KATNIP: variants seen among roughly 807,000 people sequenced by gnomAD.
KATNIP encodes katanin-interacting protein.
A neutral mutation model predicts 174.0 loss-of-function variants in KATNIP; 126 were observed. The ratio of observed to expected loss-of-function variants is 0.72; its 90% confidence interval spans 0.63 to 0.84. The LOEUF is 0.84. KATNIP is among the 40% of genes least tolerant of loss of function. KATNIP has a pLI of 0.00. For missense variants in KATNIP, 1,958 were observed against 2,109.7 expected, an observed-to-expected ratio of 0.93 and a Z score of 1.41; for synonymous variants, 810 against 835.7, an observed-to-expected ratio of 0.97 and a Z score of 0.53.
chr16:27,584,744 T>C (rs933178601), intron 2 of KATNIP, among the ~76,000 whole-genome samples: 1 of 152,002 alleles, frequency 6.6e-6, no homozygotes, highest in Non-Finnish European at 1.5e-5. Context: ...TGAGCCAAGA[T>C]TGTGCCACCA....
At chr16:27,610,395 T>A (rs916763) in intron 2 of KATNIP, among the ~76,000 whole-genome samples, 120,232 of 152,100 alleles carry the variant, frequency 0.79, 48,179 homozygotes, top group South Asian at 0.91. Context: ...GGAGAGACCT[T>A]CCTAGGGATC....
chr16:27,696,243 C>A (rs2078908099), intron 8 of KATNIP, among the ~76,000 whole-genome samples: 1 of 152,178 alleles, frequency 6.6e-6, no homozygotes. Flanking sequence ...AAATACCCAT[C>A]CTTCTTCCTA....
intron 1 of KATNIP, among the ~76,000 whole-genome samples, chr16:27,560,960 C>T (rs1238110426): frequency 6.6e-6 from 1 of 151,874 alleles, no homozygotes; most frequent in Admixed American, 6.6e-5. Context: ...GGCCTTGTAG[C>T]CAAGCTTCCA....
intron 1 of KATNIP, among the ~76,000 whole-genome samples, chr16:27,568,130 A>G (rs572904598): frequency 6.6e-6 from 1 of 152,274 alleles, no homozygotes; most frequent in South Asian, 2.1e-4. Flanking sequence ...TGCAACATAT[A>G]CTTTCTGGTC....
chr16:27,683,988 G>A (rs74366388), intron 8 of KATNIP, among the ~76,000 whole-genome samples: 3,341 of 152,258 alleles, frequency 0.022, 137 homozygotes, highest in African/African-American at 0.076. Context: ...GGAGTGGCAC[G>A]GTGGTGGTCG....
At chr16:27,556,329 T>C (rs1269082622) in intron 1 of KATNIP, among the ~76,000 whole-genome samples, 1 of 152,166 alleles carries the variant, frequency 6.6e-6, no homozygotes, top group Non-Finnish European at 1.5e-5. Flanking sequence ...ACATTGGCAG[T>C]GTGTGTTTTC....
At position 27,550,196 on chromosome 16, in the gene KATNIP, C is replaced by G. The variant is rs202151433; in HGVS notation, c.7+19C>G. ...ATGGACGGTGAGTGTCTGTGGGCCC[C>G]TCCGGGAGGTCGGGCTGTTATTCTC... On this transcript the variant is annotated intron_variant, in intron 1 of 27. Transcript: ENST00000261588. 2 of 1,607,350 alleles carry G rather than the reference C, an allele frequency of 1.2e-6. No individual in the cohort carries two copies. Among genetic ancestry groups the G allele is most frequent in the Non-Finnish European group, 1.7e-6 (2 of 1,175,152 alleles).
Position 27,728,517 on chromosome 16 carries a change from AC to A in KATNIP, c.1743+6827del, listed in dbSNP as rs542961924. ...CTGATCTCAGCTCACGGCAAACTCT[AC>A]CCCCTGGGTTCAAGCAGTTCTCCTG... On this transcript the variant is annotated intron_variant, in intron 14 of 27. Transcript: ENST00000261588. 3.9e-3 allele frequency among the ~76,000 whole-genome samples: 599 copies of A among 152,128 alleles called. 3 individuals carry two copies. Among genetic ancestry groups the A allele is most frequent in the Middle Eastern group, 0.027 (8 of 294 alleles).
intron 1 of KATNIP, among the ~76,000 whole-genome samples, chr16:27,555,243 C>G (rs553249930): frequency 2.6e-5 from 4 of 152,190 alleles, no homozygotes; most frequent in Non-Finnish European, 4.4e-5. Context: ...GCTTAAATGT[C>G]TAGCAGATGC....
intron 19 of KATNIP, among the ~76,000 whole-genome samples, chr16:27,762,873 A>AT (rs1410056883): frequency 4.6e-5 from 7 of 152,192 alleles, no homozygotes; most frequent in Admixed American, 1.3e-4. Context: ...AGTGCGGCTT[A>AT]TGGATCCTTC....
At chr16:27,758,261 G>A (rs960728289) in intron 18 of KATNIP, among the ~76,000 whole-genome samples, 1 of 152,146 alleles carries the variant, frequency 6.6e-6, no homozygotes, top group Admixed American at 6.5e-5. Flanking sequence ...TTCTGTCTCA[G>A]GAGTGGTGCC....
At chr16:27,751,620 G>T in intron 16 of KATNIP, 99 bp from the exon 17 acceptor site, 1 of 1,088,560 alleles carries the variant, frequency 9.2e-7, no homozygotes, top group Non-Finnish European at 1.4e-6. Context: ...AAGGGTGTGG[G>T]GTTGTACAGC....
intron 15 of KATNIP, among the ~76,000 whole-genome samples, chr16:27,742,593 C>T (rs541850719): frequency 2.0e-5 from 3 of 152,354 alleles, no homozygotes; most frequent in Admixed American, 2.0e-4. Flanking sequence ...CTCCAACCCA[C>T]ACCTCAGGCA....
intron 9 of KATNIP, among the ~76,000 whole-genome samples, chr16:27,699,165 G>T (rs2079014058): frequency 6.6e-6 from 1 of 152,134 alleles, no homozygotes; most frequent in African/African-American, 2.4e-5. Flanking sequence ...CCTTAAATAG[G>T]CAGGGTTGGT....
intron 6 of KATNIP, among the ~76,000 whole-genome samples, chr16:27,669,116 T>C (rs74019412): frequency 0.018 from 2,762 of 152,320 alleles, 65 homozygotes; most frequent in East Asian, 0.09. Context: ...GATGTTACAG[T>C]TACTGATACT....
At chr16:27,681,346 T>C in intron 7 of KATNIP, 53 bp from the exon 8 acceptor site, 1 of 1,606,898 alleles carries the variant, frequency 6.2e-7, no homozygotes, top group South Asian at 1.1e-5. Context: ...CTGAACAGAA[T>C]GCCCAACTTG....
chr16:27,693,873 G>GGGGAT (rs750324762), intron 8 of KATNIP, among the ~76,000 whole-genome samples: 11 of 152,250 alleles, frequency 7.2e-5, no homozygotes, highest in Non-Finnish European at 1.5e-4. Context: ...ATAAAATTCA[G>GGGGAT]GGGATTTCAC....
At position 27,766,402 on chromosome 16, in the gene KATNIP, G is replaced by A; in HGVS notation, c.3903G>A (p.Leu1301=). 1 of 1,614,154 alleles carries A rather than the reference G, an allele frequency of 6.2e-7. No individual in the cohort carries two copies. The highest frequency in any genetic ancestry group is 8.5e-7 in the Non-Finnish European group (1 of 1,180,028). Reference sequence around the variant, plus strand: ...TGGACCATGTGGTCACGATCCGCCTGGACAGGGCCGAAAGCATCGCAGGCC... The same window carrying A: ...TGGACCATGTGGTCACGATCCGCCTAGACAGGGCCGAAAGCATCGCAGGCC... The part of the protein sequence containing the change: ...PGLDHVVTIR[L]DRAESIAGLR... The change falls in exon 20 of 28, where the codon CTG becomes CTA. Residue 1301 remains leucine (L), a synonymous_variant. Coordinates refer to ENST00000261588, the MANE Select transcript of KATNIP (RefSeq NM_015202.5).
intron 13 of KATNIP, among the ~76,000 whole-genome samples, chr16:27,714,500 C>T (rs895904229): frequency 2.6e-5 from 4 of 151,746 alleles, no homozygotes; most frequent in African/African-American, 9.7e-5. Context: ...AACAGAAGAA[C>T]AATAGAGAAA....
Sources: gnomAD v4.1 joint callset for allele counts (sites outside exome capture counted in the v4.1 genomes callset) on GRCh38, gnomAD v4.1.1 for gene constraint, MANE v1.5 for transcripts, NCBI Gene and HGNC (gene_info 2026-07-23, HGNC 2026-07-21) for gene names.